Variants in ARHGAP31 observed in about 807,000 individuals in gnomAD.
ARHGAP31 encodes the protein Rho GTPase activating protein 31.
Under a neutral mutation model 113.9 loss-of-function variants are expected in ARHGAP31, and 34 were observed. The ratio of observed to expected loss-of-function variants is 0.30; its 90% confidence interval spans 0.23 to 0.40. The LOEUF (loss-of-function observed/expected upper bound fraction) is 0.40, where lower values mean the gene tolerates loss of function less well. Ranked by LOEUF, ARHGAP31 falls within the 10% of genes least tolerant of loss-of-function variation. The pLI is 1.00. For synonymous variants in ARHGAP31, 650 were observed against 684.8 expected (o/e 0.95, Z 0.79); for missense variants, 1,548 against 1,767.1 (o/e 0.88, Z 2.22).
intron 4 of ARHGAP31, among the ~76,000 whole-genome samples, chr3:119,382,049 TCTGA>T (rs2080405610): frequency 1.3e-5 from 2 of 149,896 alleles, no homozygotes; most frequent in Non-Finnish European, 3.0e-5. Context: ...TAGTTCTGTC[TCTGA>T]CTGGTGCTCC....
chr3:119,384,777 C>A lies in ARHGAP31; in HGVS notation c.682+1551C>A, dbSNP rs929467387. 6.6e-5 allele frequency among the ~76,000 whole-genome samples: 10 copies of A among 152,264 alleles called. No homozygotes were observed. In the South Asian group the frequency reaches 1.0e-3, roughly 16 times the overall value. ...ATGAACTTTGGGGGACACATTCAAACCATAACAAACCCCATGCTCATTAAG... is the reference window on the plus strand; with the variant it reads ...ATGAACTTTGGGGGACACATTCAAAACATAACAAACCCCATGCTCATTAAG... On this transcript the variant is annotated intron_variant, in intron 6 of 11. Coordinates refer to ENST00000264245, the MANE Select transcript of ARHGAP31 (RefSeq NM_020754.4).
Position 119,414,731 on chromosome 3 carries a change from T to G in ARHGAP31, c.2802T>G (p.Leu934=). The G allele has an allele frequency of 6.2e-7, 1 of 1,614,150 alleles. No individual in the cohort carries two copies. Among genetic ancestry groups the G allele is most frequent in the Admixed American group, 1.7e-5 (1 of 60,018 alleles). ...KDAHKAQVQG[L]QGHQLEKRLS... is the part of the protein sequence containing the mutation. ...CGCACAAGGCCCAGGTACAGGGCCT[T>G]CAGGGTCACCAGTTGGAGAAGAGGC... Residue 934 remains leucine, a synonymous_variant, in exon 12 of 12, where the codon CTT becomes CTG. Coordinates refer to ENST00000264245, the MANE Select transcript of ARHGAP31 (RefSeq NM_020754.4).
Position 119,295,117 on chromosome 3 carries a change from G to T in ARHGAP31, c.100+113G>T, listed in dbSNP as rs1441819607. 5.2e-6 allele frequency: 5 copies of T among 960,298 alleles called. No homozygotes were observed. The African/African-American group carries it at 6.7e-5, about 13-fold the overall frequency. 59.5% of individuals were successfully genotyped at this position (960,298 alleles called of 1,614,324 possible). ...TCACAAGTTAATGTATTCCAGGCCT[G>T]TGCGCTCATTGCACTTTTTTTTCTT... On this transcript the variant is annotated intron_variant, in intron 1 of 11. Coordinates refer to ENST00000264245, the MANE Select transcript of ARHGAP31 (RefSeq NM_020754.4).
At chr3:119,382,979 A>G (rs2080415006) in intron 5 of ARHGAP31, 105 bp from the exon 6 acceptor site, 1 of 1,377,838 alleles carries the variant, frequency 7.3e-7, no homozygotes, top group Non-Finnish European at 1.0e-6. Flanking sequence ...TATGAACTGT[A>G]TCAATTTAGG....
At chr3:119,359,410 A>T (rs1344926921) in intron 1 of ARHGAP31, among the ~76,000 whole-genome samples, 1 of 151,672 alleles carries the variant, frequency 6.6e-6, no homozygotes, top group Admixed American at 6.6e-5. Context: ...ATATTTTTAA[A>T]TTTTTTTTCT....
rs752035106 is a variant in ARHGAP31 at position 119,402,059 on chromosome 3, G to C, written c.1307G>C (p.Arg436Pro). The C allele has an allele frequency of 1.1e-5, 17 of 1,614,074 alleles. No homozygotes were observed. The highest frequency in any genetic ancestry group is 1.4e-5 in the Non-Finnish European group (17 of 1,180,042). The change falls in exon 10 of 12, where the codon CGG becomes CCG. Residue 436 changes from arginine to proline, a missense_variant. Coordinates refer to ENST00000264245, the MANE Select transcript of ARHGAP31 (RefSeq NM_020754.4). ...RPPPEQLKVFRPVEDPESEQT... is the reference protein window; with the variant it reads ...RPPPEQLKVFPPVEDPESEQT... ...CCACCGGAACAGCTGAAGGTTTTCCGGCCTGTTGAGGATCCGGAGAGCGAG... is the reference window on the plus strand; with the variant it reads ...CCACCGGAACAGCTGAAGGTTTTCCCGCCTGTTGAGGATCCGGAGAGCGAG...
At chr3:119,310,850 C>T (rs1285831248) in intron 1 of ARHGAP31, among the ~76,000 whole-genome samples, 1 of 152,160 alleles carries the variant, frequency 6.6e-6, no homozygotes, top group Non-Finnish European at 1.5e-5. Context: ...TTTTTTAAAT[C>T]TCACTGGTAA....
intron 1 of ARHGAP31, among the ~76,000 whole-genome samples, chr3:119,350,188 CGTT>C (rs1384715704): frequency 1.3e-5 from 2 of 152,060 alleles, no homozygotes; most frequent in African/African-American, 4.8e-5. Context: ...AGGGAAGTGC[CGTT>C]GTTTTCAGCA....
At chr3:119,375,079 TA>T (rs2107627656) in intron 3 of ARHGAP31, among the ~76,000 whole-genome samples, 1 of 152,316 alleles carries the variant, frequency 6.6e-6, no homozygotes, top group South Asian at 2.1e-4. Flanking sequence ...GGTGATGTGA[TA>T]ATAGGGGATT....
At chr3:119,327,980 A>G (rs2079860645) in intron 1 of ARHGAP31, among the ~76,000 whole-genome samples, 1 of 152,234 alleles carries the variant, frequency 6.6e-6, no homozygotes, top group Non-Finnish European at 1.5e-5. Flanking sequence ...TGGTCATTAG[A>G]TAGAAAAATT....
chr3:119,347,501 A>C (rs2080070255), intron 1 of ARHGAP31, among the ~76,000 whole-genome samples: 1 of 152,216 alleles, frequency 6.6e-6, no homozygotes, highest in Non-Finnish European at 1.5e-5. Context: ...TGCCTGGATC[A>C]CTTCCCAGAG....
At chr3:119,399,759 A>G (rs1389635364) in intron 9 of ARHGAP31, among the ~76,000 whole-genome samples, 1 of 152,202 alleles carries the variant, frequency 6.6e-6, no homozygotes, top group African/African-American at 2.4e-5. Flanking sequence ...TCATTCATTT[A>G]TTATGTATCA....
chr3:119,365,533 A>G, intron 2 of ARHGAP31, 115 bp downstream of exon 2: 1 of 894,598 alleles, frequency 1.1e-6, no homozygotes, highest in Non-Finnish European at 1.8e-6. Context: ...GAAGTGTGGC[A>G]GCACCGAAGA....
intron 1 of ARHGAP31, among the ~76,000 whole-genome samples, 199 bp from the exon 2 acceptor site, chr3:119,365,117 T>G (rs1321517160): frequency 6.6e-6 from 1 of 152,064 alleles, no homozygotes; most frequent in Non-Finnish European, 1.5e-5. Flanking sequence ...AAAACAATTC[T>G]TTAGCAAAGC....
At chr3:119,371,806 G>A (rs909455654) in intron 3 of ARHGAP31, among the ~76,000 whole-genome samples, 4 of 152,060 alleles carry the variant, frequency 2.6e-5, no homozygotes, top group African/African-American at 9.7e-5. Flanking sequence ...TCCTCCCTTT[G>A]TGTCCATGTG....
chr3:119,348,848 A>G (rs1449210825), intron 1 of ARHGAP31, among the ~76,000 whole-genome samples: 1 of 152,186 alleles, frequency 6.6e-6, no homozygotes, highest in Non-Finnish European at 1.5e-5. Flanking sequence ...CTGACTGTAT[A>G]TCTGGTGAAA....
chr3:119,380,845 G>T, intron 3 of ARHGAP31, 59 bp from the exon 4 acceptor site: 1 of 1,427,940 alleles, frequency 7.0e-7, no homozygotes, highest in Non-Finnish European at 9.9e-7. Flanking sequence ...CCCAGCACAT[G>T]CAGATGGCTG....
intron 1 of ARHGAP31, among the ~76,000 whole-genome samples, chr3:119,327,390 C>T (rs1264612644): frequency 1.3e-5 from 2 of 150,864 alleles, no homozygotes; most frequent in African/African-American, 4.9e-5. Context: ...CTAAAAAATA[C>T]AAAAATTAGC....
At chr3:119,391,762 T>C (rs918209638) in intron 7 of ARHGAP31, among the ~76,000 whole-genome samples, 1 of 152,080 alleles carries the variant, frequency 6.6e-6, no homozygotes, top group African/African-American at 2.4e-5. Flanking sequence ...AACAGGCACC[T>C]CTTGCACAGG....
Sources: allele counts gnomAD v4.1 joint callset (sites outside exome capture counted in the v4.1 genomes callset), GRCh38; gene constraint gnomAD v4.1.1; transcripts MANE v1.5; gene names NCBI Gene and HGNC (gene_info 2026-07-23, HGNC 2026-07-21).